Variants in CCDC7 observed in about 807,000 individuals in gnomAD.
The protein encoded by CCDC7 is coiled-coil domain containing 7, also known as coiled-coil domain-containing protein 7.
Under a neutral mutation model 196.9 loss-of-function variants are expected in CCDC7, and 183 were observed. The observed-to-expected ratio is 0.93, with a 90% CI of 0.82 to 1.05. The LOEUF (loss-of-function observed/expected upper bound fraction) is 1.05, where lower values mean the gene tolerates loss of function less well. Ranked by LOEUF, CCDC7 falls within the 50% of genes least tolerant of loss-of-function variation. The probability of loss-of-function intolerance (pLI) is 0.00; values close to 1 mark genes in which losing one functional copy is unlikely to be tolerated. For missense variants in CCDC7, 1,540 were observed against 1,482.2 expected, an observed-to-expected ratio of 1.04 and a Z score of -0.64; for synonymous variants, 525 against 484.6, an observed-to-expected ratio of 1.08 and a Z score of -1.10.
At chr10:32,650,632 G>A (rs997083837) in intron 20 of CCDC7, among the ~76,000 whole-genome samples, 2 of 152,188 alleles carry the variant, frequency 1.3e-5, no homozygotes, top group Non-Finnish European at 2.9e-5. Context: ...TTGTGAGCCT[G>A]TACCACTCAG....
rs145770227 is a variant in CCDC7, at chr10:32,689,217, A to G, written c.2344+54A>G. The G allele has an allele frequency of 5.1e-6, 6 of 1,184,432 alleles. No homozygotes were observed. In the East Asian group the frequency reaches 1.6e-4, roughly 32 times the overall value. 73.4% of individuals were successfully genotyped at this position (1,184,432 alleles called of 1,614,324 possible). On this transcript the variant is annotated intron_variant, in intron 23 of 41. Transcript: ENST00000639629. Reference sequence around the variant, plus strand: ...AATTATTTAAAAGTAAGTTCATCCGAAGGTATTTTTGCTTTGATTCACAAA... The same window carrying G: ...AATTATTTAAAAGTAAGTTCATCCGGAGGTATTTTTGCTTTGATTCACAAA...
intron 24 of CCDC7, among the ~76,000 whole-genome samples, chr10:32,708,002 C>G (rs981753678): frequency 1.3e-5 from 2 of 152,068 alleles, no homozygotes; most frequent in African/African-American, 4.8e-5. Flanking sequence ...AAAAAAGAGC[C>G]CGCATCGCCG....
chr10:32,641,946 A>G (rs935619997), intron 20 of CCDC7, among the ~76,000 whole-genome samples: 5 of 152,198 alleles, frequency 3.3e-5, no homozygotes, highest in African/African-American at 1.2e-4. Flanking sequence ...GGGTATCAGC[A>G]GCAGAGGCTG....
chr10:32,678,507 T>G (rs1417805164), intron 21 of CCDC7, among the ~76,000 whole-genome samples: 1 of 152,166 alleles, frequency 6.6e-6, no homozygotes, highest in East Asian at 1.9e-4. Context: ...ACTGCTGTGA[T>G]TTGTGTGTCA....
chr10:32,474,921 C>T (rs1018897211), intron 8 of CCDC7, among the ~76,000 whole-genome samples: 1 of 152,196 alleles, frequency 6.6e-6, no homozygotes, highest in African/African-American at 2.4e-5. Flanking sequence ...CCTCTTTCAA[C>T]TTCAGCTTTA....
intron 9 of CCDC7, chr10:32,499,519 A>G (rs2043522823): frequency 6.6e-6 from 1 of 152,084 alleles, no homozygotes; most frequent in African/African-American, 2.4e-5. Context: ...GTGTTTTCCC[A>G]ACCATGGTCA....
chr10:32,652,051 G>C (rs80325335), intron 20 of CCDC7, among the ~76,000 whole-genome samples: 1 of 151,996 alleles, frequency 6.6e-6, no homozygotes, highest in South Asian at 2.1e-4. Context: ...ACGTTCAATC[G>C]CTTTTAGTCT....
intron 7 of CCDC7, among the ~76,000 whole-genome samples, chr10:32,472,995 A>G (rs904607840): frequency 1.3e-5 from 2 of 152,234 alleles, no homozygotes; most frequent in African/African-American, 4.8e-5. Flanking sequence ...TTTAGATAAT[A>G]CTTAATAGTG....
intron 29 of CCDC7, among the ~76,000 whole-genome samples, chr10:32,798,402 G>A (rs2084064241): frequency 6.6e-6 from 1 of 152,142 alleles, no homozygotes; most frequent in Non-Finnish European, 1.5e-5. Flanking sequence ...TTTGTTCATG[G>A]GCCCATTGGG....
At chr10:32,489,810 A>G (rs1304204567) in intron 8 of CCDC7, among the ~76,000 whole-genome samples, 2 of 152,056 alleles carry the variant, frequency 1.3e-5, no homozygotes, top group East Asian at 3.9e-4. Flanking sequence ...GAAGTGCGTG[A>G]TCCAACGTTC....
At chr10:32,788,280 C>A (rs75340541) in intron 29 of CCDC7, among the ~76,000 whole-genome samples, 369 of 152,242 alleles carry the variant, frequency 2.4e-3, no homozygotes, top group African/African-American at 8.4e-3. Flanking sequence ...TCAGCCCTAG[C>A]AGCTCCAGGC....
chr10:32,567,866 G>A (rs1564682344), exon 15 of CCDC7: 2 of 1,613,178 alleles, frequency 1.2e-6, no homozygotes, highest in Admixed American at 3.3e-5. Flanking sequence ...CAAAGGACAA[G>A]TGATAAAATC....
At chr10:32,462,466 T>C (rs1475173183) in intron 3 of CCDC7, among the ~76,000 whole-genome samples, 2 of 152,104 alleles carry the variant, frequency 1.3e-5, no homozygotes, top group Non-Finnish European at 2.9e-5. Context: ...AGAAAAATTA[T>C]TTTTAAATTC....
At chr10:32,813,440 A>G (rs2087630497) in intron 30 of CCDC7, among the ~76,000 whole-genome samples, 2 of 152,184 alleles carry the variant, frequency 1.3e-5, no homozygotes, top group Admixed American at 6.5e-5. Flanking sequence ...CTCAGAGGGC[A>G]GTTTTTCTCA....
exon 1 of CCDC7, chr10:32,451,889 A>G (rs918630963): frequency 6.2e-7 from 1 of 1,611,630 alleles, no homozygotes; most frequent in South Asian, 1.1e-5. Context: ...AGAAGATGAA[A>G]TGATCGGAAA....
intron 8 of CCDC7, among the ~76,000 whole-genome samples, chr10:32,483,674 A>G (rs932459895): frequency 3.9e-5 from 6 of 152,140 alleles, no homozygotes; most frequent in African/African-American, 7.2e-5. Flanking sequence ...ATTTTTGTAT[A>G]AGGTGTAAGG....
At position 32,643,069 on chromosome 10, in the gene CCDC7, C is replaced by T. The variant is rs1484138970; in HGVS notation, c.2014+7911C>T. Reference sequence around the variant, plus strand: ...TAAAGTAGTATTTATTTTTTGATTTCCTTTAATTTTTTGTTAGTTCTGACA... The same window carrying T: ...TAAAGTAGTATTTATTTTTTGATTTTCTTTAATTTTTTGTTAGTTCTGACA... On this transcript the variant is annotated intron_variant, in intron 20 of 41. Coordinates refer to ENST00000639629, the Ensembl canonical transcript of CCDC7. Among the ~76,000 whole-genome samples, 4 of 152,024 alleles carry T rather than the reference C, an allele frequency of 2.6e-5. No individual in the cohort carries two copies. The East Asian group carries it at 7.7e-4, about 29-fold the overall frequency.
At chr10:32,868,106 T>G (rs1002006233) in intron 41 of CCDC7, among the ~76,000 whole-genome samples, 2 of 152,026 alleles carry the variant, frequency 1.3e-5, no homozygotes, top group African/African-American at 4.8e-5. Flanking sequence ...TTCCTTCCTT[T>G]ATTTAACTGA....
At chr10:32,785,338 T>C (rs1160939746) in intron 29 of CCDC7, among the ~76,000 whole-genome samples, 2 of 152,200 alleles carry the variant, frequency 1.3e-5, no homozygotes, top group African/African-American at 4.8e-5. Flanking sequence ...AAGATAAAAA[T>C]TCTTCTGCAC....
Sources: allele counts gnomAD v4.1 joint callset (sites outside exome capture counted in the v4.1 genomes callset), GRCh38; gene constraint gnomAD v4.1.1; transcripts MANE v1.5; gene names NCBI Gene and HGNC (gene_info 2026-07-23, HGNC 2026-07-21).